PCDH15: variants seen among roughly 807,000 people sequenced by gnomAD.
PCDH15 encodes protocadherin related 15.
Under a neutral mutation model 178.5 loss-of-function variants are expected in PCDH15, and 129 were observed. The ratio of observed to expected loss-of-function variants is 0.72; its 90% CI spans 0.63 to 0.84. PCDH15 has a LOEUF of 0.84. Ranked by LOEUF, PCDH15 falls within the 40% of genes least tolerant of loss-of-function variation. The pLI is 0.00. For synonymous variants in PCDH15, 800 were observed against 732.0 expected (o/e 1.09, Z -1.50); for missense variants, 2,230 against 2,099.9 (o/e 1.06, Z -1.21).
intron 17 of PCDH15, among the ~76,000 whole-genome samples, chr10:54,070,664 A>G (rs940504137): frequency 1.3e-5 from 2 of 152,004 alleles, no homozygotes; most frequent in Non-Finnish European, 2.9e-5. Flanking sequence ...ATCATAGCTC[A>G]CAGCAGCTTT....
At chr10:54,633,620 A>C (rs1483722570) in intron 2 of PCDH15, among the ~76,000 whole-genome samples, 1 of 152,052 alleles carries the variant, frequency 6.6e-6, no homozygotes, top group African/African-American at 2.4e-5. Context: ...AAAAGGTTTG[A>C]TGTGAAGAAG....
In PCDH15 at chr10:55,119,860, T is replaced by C. The variant is rs576677028; in HGVS notation, c.-80+46716A>G. Among the ~76,000 whole-genome samples, 8 of 152,316 alleles carry C rather than the reference T, an allele frequency of 5.3e-5. No homozygotes were observed. In the East Asian group the frequency reaches 1.5e-3, roughly 29 times the overall value. On this transcript the variant is annotated intron_variant, in intron 2 of 5. Coordinates refer to the PCDH15 transcript ENST00000458638. ...GTAACTGGTAACAGGTGACAAAAGATAGGAGAGACTTAGTATATATGTGTG... is the reference window on the plus strand; with the variant it reads ...GTAACTGGTAACAGGTGACAAAAGACAGGAGAGACTTAGTATATATGTGTG...
intron 1 of PCDH15, among the ~76,000 whole-genome samples, chr10:55,248,147 CA>C (rs1268837572): frequency 6.6e-6 from 1 of 151,188 alleles, no homozygotes; most frequent in African/African-American, 2.4e-5. Flanking sequence ...GAAATCTGTC[CA>C]TTTTTTACAT....
intron 2 of PCDH15, among the ~76,000 whole-genome samples, chr10:54,934,555 C>T (rs962301460): frequency 5.7e-4 from 87 of 151,508 alleles, no homozygotes; most frequent in Non-Finnish European, 1.1e-3. Flanking sequence ...GTTAGAATGG[C>T]GATCATTAAA....
At chr10:55,337,750 G>T (rs1054145212) in intron 2 of PCDH15, among the ~76,000 whole-genome samples, 1 of 152,154 alleles carries the variant, frequency 6.6e-6, no homozygotes, top group African/African-American at 2.4e-5. Context: ...GATTAGTAAA[G>T]ATGTAGAAGG....
At chr10:54,581,145 G>T (rs2091001538) in intron 2 of PCDH15, among the ~76,000 whole-genome samples, 1 of 152,062 alleles carries the variant, frequency 6.6e-6, no homozygotes, top group Non-Finnish European at 1.5e-5. Flanking sequence ...ATGAAAAGCA[G>T]TCAAACTATT....
intron 5 of PCDH15, among the ~76,000 whole-genome samples, chr10:54,356,713 G>C (rs977475696): frequency 6.6e-6 from 1 of 151,848 alleles, no homozygotes; most frequent in Non-Finnish European, 1.5e-5. Flanking sequence ...AACTATCACA[G>C]TTTAGAGGAG....
intron 9 of PCDH15, among the ~76,000 whole-genome samples, chr10:54,235,481 C>T (rs2054535975): frequency 6.6e-6 from 1 of 152,120 alleles, no homozygotes; most frequent in African/African-American, 2.4e-5. Context: ...TTGGCTTTTG[C>T]ACATGCTGCA....
chr10:54,792,158 A>G (rs1339680440), intron 1 of PCDH15, among the ~76,000 whole-genome samples: 1 of 151,932 alleles, frequency 6.6e-6, no homozygotes, highest in Non-Finnish European at 1.5e-5. Context: ...AAAAGCTCCA[A>G]GAAAAATATC....
chr10:54,295,375 A>T (rs369116931), intron 8 of PCDH15, among the ~76,000 whole-genome samples: 1 of 152,336 alleles, frequency 6.6e-6, no homozygotes. Context: ...AAATAAGGGA[A>T]TAAAAGCTGG....
intron 2 of PCDH15, among the ~76,000 whole-genome samples, chr10:54,561,211 G>A (rs1241887563): frequency 2.0e-5 from 3 of 152,050 alleles, no homozygotes; most frequent in African/African-American, 7.2e-5. Flanking sequence ...AATATTTGAT[G>A]TGATTTTAAG....
At chr10:53,818,857 C>A (rs566959348) in intron 33 of PCDH15, among the ~76,000 whole-genome samples, 2 of 152,042 alleles carry the variant, frequency 1.3e-5, no homozygotes, top group African/African-American at 4.8e-5. Flanking sequence ...GCATAACTTT[C>A]TAAAATCCAA....
chr10:54,195,642 A>C (rs751274355), intron 11 of PCDH15, 41 bp downstream of exon 11: 1 of 1,507,478 alleles, frequency 6.6e-7, no homozygotes, highest in South Asian at 1.1e-5. Context: ...GAAATATGAG[A>C]TTTGTTACAC....
chr10:54,389,402 T>C (rs1372247848), intron 3 of PCDH15, among the ~76,000 whole-genome samples: 1 of 152,166 alleles, frequency 6.6e-6, no homozygotes, highest in Non-Finnish European at 1.5e-5. Context: ...AGAGATCTTG[T>C]TAGAATTATA....
intron 3 of PCDH15, among the ~76,000 whole-genome samples, chr10:54,482,619 C>A (rs554029593): frequency 6.6e-6 from 1 of 151,626 alleles, no homozygotes; most frequent in African/African-American, 2.4e-5. Context: ...GGTACCTTAG[C>A]AGGCAATGGG....
intron 26 of PCDH15, 96 bp from the exon 27 acceptor site, chr10:53,866,953 A>G: frequency 1.2e-6 from 1 of 844,722 alleles, no homozygotes. Context: ...GAGGTTTCTT[A>G]TGTAATAATA....
chr10:55,433,285 C>T (rs1838936416), intron 2 of PCDH15, among the ~76,000 whole-genome samples: 1 of 152,128 alleles, frequency 6.6e-6, no homozygotes, highest in Admixed American at 6.5e-5. Context: ...AGAAGAAGAA[C>T]ATGTCCTTTG....
At chr10:54,143,751 T>C (rs558445221) in intron 14 of PCDH15, among the ~76,000 whole-genome samples, 1 of 152,330 alleles carries the variant, frequency 6.6e-6, no homozygotes, top group African/African-American at 2.4e-5. Context: ...TTAAGTATAT[T>C]AAGTAGAGTA....
At chr10:53,999,087 C>T (rs1364628061) in intron 20 of PCDH15, among the ~76,000 whole-genome samples, 1 of 149,338 alleles carries the variant, frequency 6.7e-6, no homozygotes, top group Non-Finnish European at 1.5e-5. Context: ...ATGTATATAG[C>T]AAATGCCAGT....
Sources: gnomAD v4.1 joint callset for allele counts (sites outside exome capture counted in the v4.1 genomes callset) on GRCh38, gnomAD v4.1.1 for gene constraint, MANE v1.5 for transcripts, NCBI Gene and HGNC (gene_info 2026-07-23, HGNC 2026-07-21) for gene names.